Variants in SPEG observed in about 807,000 individuals in gnomAD.
SPEG encodes the protein striated muscle preferentially expressed protein kinase.
Under a neutral mutation model 300.4 loss-of-function variants are expected in SPEG, and 114 were observed. The ratio of observed to expected loss-of-function variants is 0.38; its 90% CI spans 0.33 to 0.44. The LOEUF is 0.44. Among genes scored for constraint, SPEG ranks in the 20% least tolerant of loss-of-function variants. The pLI is 1.00. For missense variants in SPEG, 4,201 were observed against 4,586.2 expected, an observed-to-expected ratio of 0.92 and a Z score of 2.43; for synonymous variants, 1,964 against 2,018.9, an observed-to-expected ratio of 0.97 and a Z score of 0.73.
Position 219,451,377 on chromosome 2 carries a change from G to T in SPEG, c.2257+98G>T. The T allele has an allele frequency of 6.9e-7, 1 of 1,452,170 alleles. No individual in the cohort carries two copies. Among genetic ancestry groups the T allele is most frequent in the East Asian group, 2.4e-5 (1 of 41,632 alleles). 90.0% of individuals were successfully genotyped at this position (1,452,170 alleles called of 1,614,324 possible). ...CCCGGACTCCTCCAAGGGAGGGGTG[G>T]GAAAGAGGGGAATTATCCCCTCCAC... On this transcript the variant is annotated intron_variant, in intron 5 of 40. Coordinates refer to ENST00000312358, the MANE Select transcript of SPEG (RefSeq NM_005876.5). This position sits in a 1 kb window ranked among gnomAD's most constrained non-coding sequence, Gnocchi z 6.4.
At chr2:219,465,800 T>A (rs558903341) in intron 9 of SPEG, 3 of 588,572 alleles carry the variant, frequency 5.1e-6, no homozygotes, top group South Asian at 3.8e-5. Context: ...TGCGTGCCTG[T>A]GCGTGCATGT....
Position 219,448,079 on chromosome 2 carries a change from G to T in SPEG, c.921G>T (p.Ala307=), listed in dbSNP as rs1417599349. 1 of 1,608,352 alleles carries T rather than the reference G, an allele frequency of 6.2e-7. No individual in the cohort carries two copies. The highest frequency in any genetic ancestry group is 8.5e-7 in the Non-Finnish European group (1 of 1,178,032). ...CCCAGCCGCCTCCTTCCAAATCCGC[G>T]CTGCTCCCCCCACCGTCCCCTCGGG... ...RPAQPPPSKS[A]LLPPPSPRVG... is the part of the protein sequence containing the mutation. The change falls in exon 4 of 41, where the codon GCG becomes GCT. Residue 307 remains alanine (A), a synonymous_variant. Transcript: ENST00000312358.
In SPEG at chr2:219,473,362, C is replaced by T; in HGVS notation, c.4148-142C>T. The T allele has an allele frequency of 8.8e-6, 8 of 908,910 alleles. No individual in the cohort carries two copies. The South Asian group carries it at 1.3e-4, about 15-fold the overall frequency. The allele number at this position is 908,910 out of a possible 1,614,324, so 56.3% of individuals were successfully genotyped here. ...CTGCTCTCTGGCTGTGTTCCCCTGA[C>T]AAATCGCTAAACCTCTCTGAGCTTC... On this transcript the variant is annotated intron_variant, in intron 16 of 40. Coordinates refer to ENST00000312358, the MANE Select transcript of SPEG (RefSeq NM_005876.5). The surrounding 1 kb of genome is among the most constrained non-coding windows in gnomAD (Gnocchi z 4.6).
At chr2:219,447,929 G>T in intron 3 of SPEG, 45 bp from the exon 4 acceptor site, 1 of 1,571,094 alleles carries the variant, frequency 6.4e-7, no homozygotes, top group Non-Finnish European at 8.7e-7. Context: ...GTCTAGGAGA[G>T]GAGGCCCCCT....
At chr2:219,465,807 A>ATGTGTGCGTGTGCGTGCGCATGCGTGCG (rs1691222704) in intron 9 of SPEG, 1 of 592,056 alleles carries the variant, frequency 1.7e-6, no homozygotes, top group Non-Finnish European at 3.0e-6. Context: ...CTGTGCGTGC[A>ATGTGTGCGTGTGCGTGCGCATGCGTGCG]TGTGTGCGTG....
Position 219,484,400 on chromosome 2 carries a change from C to G in SPEG, c.6937C>G (p.Pro2313Ala). The G allele has an allele frequency of 6.2e-7, 1 of 1,609,990 alleles. No individual in the cohort carries two copies. Among genetic ancestry groups the G allele is most frequent in the Non-Finnish European group, 8.5e-7 (1 of 1,179,754 alleles). ...CGAGAAAGCCCGAGTTCCCACGGTG[C>G]CCCCCAGGCCAGGCAGCAGTCTCAG... Reference protein sequence around the residue: ...LAEKARVPTVPPRPGSSLSSS... With the variant: ...LAEKARVPTVAPRPGSSLSSS... The change falls in exon 30 of 41, where the codon CCC (proline) becomes GCC (alanine). Residue 2313 changes from proline to alanine, a missense_variant. Physicochemically the swap from Pro to Ala is conservative, Grantham distance 27. This residue lies in a region of SPEG where 1,578 missense variants were observed against 1,506.0 expected (regional missense o/e 1.05). Coordinates refer to ENST00000312358, the MANE Select transcript of SPEG (RefSeq NM_005876.5).
chr2:219,468,551 A>G lies in SPEG; in HGVS notation c.3143-27A>G, dbSNP rs1036187009. 5.0e-6 allele frequency: 8 copies of G among 1,605,058 alleles called. No individual in the cohort carries two copies. The African/African-American group carries it at 9.4e-5, about 19-fold the overall frequency. ...TGCCTGGGCCTCCTTAGCCTTCCCT[A>G]TCTCTGAGCTGCCCCCTGCCCCACA... On this transcript the variant is annotated intron_variant, in intron 10 of 40. Transcript: ENST00000312358.
chr2:219,451,616 TC>T lies in SPEG; in HGVS notation c.2258-5del. The T allele has an allele frequency of 6.5e-7, 1 of 1,533,994 alleles. No individual in the cohort carries two copies. ...CCGTGGCGAGCCGGGTCCCTGTGCCTCCCCACAGTGTCCTGGCACAAGGATG... is the reference window on the plus strand; with the variant it reads ...CCGTGGCGAGCCGGGTCCCTGTGCCTCCCACAGTGTCCTGGCACAAGGATG... On this transcript the variant is annotated splice_polypyrimidine_tract_variant and splice_region_variant and intron_variant, in intron 5 of 40. Transcript: ENST00000312358. The surrounding 1 kb of genome is among the most constrained non-coding windows in gnomAD (Gnocchi z 6.4).
intron 38 of SPEG, 35 bp from the exon 39 acceptor site, chr2:219,491,759 G>A: frequency 1.9e-6 from 3 of 1,594,968 alleles, no homozygotes; most frequent in Non-Finnish European, 2.6e-6. Context: ...CTGCCACCAG[G>A]AAGCTGGGTC....
At chr2:219,490,155 C>A (rs187014266) in intron 36 of SPEG, among the ~76,000 whole-genome samples, 1 of 152,324 alleles carries the variant, frequency 6.6e-6, no homozygotes, top group African/African-American at 2.4e-5. Context: ...AGAGACACTG[C>A]GCTATTAGCA....
Position 219,492,873 on chromosome 2 carries a change from G to T in SPEG, c.*87G>T. On this transcript the variant is annotated 3_prime_UTR_variant, in exon 41 of 41. Coordinates refer to ENST00000312358, the MANE Select transcript of SPEG (RefSeq NM_005876.5). Reference sequence around the variant, plus strand: ...TTCCAGGGCCCACGCTGAGCCAGGCGGGCCTGGGGCTTCGGTTACCACCAG... The same window carrying T: ...TTCCAGGGCCCACGCTGAGCCAGGCTGGCCTGGGGCTTCGGTTACCACCAG... The T allele has an allele frequency of 7.4e-7, 1 of 1,346,894 alleles. No individual in the cohort carries two copies. The allele number at this position is 1,346,894 out of a possible 1,614,324, so 83.4% of individuals were successfully genotyped here. A position where few individuals can be genotyped will look rare whatever the true frequency, so the allele number is the denominator to read the frequency against.
Position 219,493,270 on chromosome 2 carries a change from A to T in SPEG, c.*484A>T, listed in dbSNP as rs377226202. 3,501 of 359,378 alleles carry T rather than the reference A, an allele frequency of 9.7e-3. 168 individuals carry two copies. The highest frequency in any genetic ancestry group is 0.071 in the South Asian group (3,415 of 47,836). The allele number at this position is 359,378 out of a possible 1,614,324, so 22.3% of individuals were successfully genotyped here. ...ACAGTGGCAGGGGCCCAGGGCTGGG[A>T]CATGAGAGAAGGCAGCGAGGCGGCA... On this transcript the variant is annotated 3_prime_UTR_variant, in exon 41 of 41. Transcript: ENST00000312358.
chr2:219,492,861 G>A lies in SPEG; in HGVS notation c.*75G>A, dbSNP rs568210966. ...TGCCACGGGACATTCCAGGGCCCACGCTGAGCCAGGCGGGCCTGGGGCTTC... is the reference window on the plus strand; with the variant it reads ...TGCCACGGGACATTCCAGGGCCCACACTGAGCCAGGCGGGCCTGGGGCTTC... On this transcript the variant is annotated 3_prime_UTR_variant, in exon 41 of 41. Transcript: ENST00000312358. 5.8e-5 allele frequency: 84 copies of A among 1,451,300 alleles called. 3 individuals carry two copies. The South Asian group carries it at 8.1e-4, about 14-fold the overall frequency. The allele number at this position is 1,451,300 out of a possible 1,614,324, so 89.9% of individuals were successfully genotyped here.
Position 219,464,678 on chromosome 2 carries a change from A to T in SPEG, c.2881+70A>T, listed in dbSNP as rs1173614626. The stretch of plus-strand genomic sequence containing the variant: ...CTTCCTTCCCCCACTGTCTGCTCTC[A>T]CACAGCCTCAGTTAGAGGATGCCAC... On this transcript the variant is annotated intron_variant, in intron 9 of 40. Transcript: ENST00000312358. The surrounding 1 kb of genome is among the most constrained non-coding windows in gnomAD (Gnocchi z 4.5). 6.7e-7 allele frequency: 1 copy of T among 1,499,166 alleles called. No individual in the cohort carries two copies. The highest frequency in any genetic ancestry group is 1.4e-5 in the African/African-American group (1 of 72,732). 92.9% of individuals were successfully genotyped at this position (1,499,166 alleles called of 1,614,324 possible).
rs1302833867 is a variant in SPEG, at chr2:219,458,425, G to T, written c.2441-3457G>T. On this transcript the variant is annotated intron_variant, in intron 6 of 40. Transcript: ENST00000312358. The surrounding 1 kb of genome is among the most constrained non-coding windows in gnomAD (Gnocchi z 4.2). ...TTTTTTTTTTCCCAATAAGCGTTTTGCACTCTTAAGAAATGCAGATTATTG... is the reference window on the plus strand; with the variant it reads ...TTTTTTTTTTCCCAATAAGCGTTTTTCACTCTTAAGAAATGCAGATTATTG... Among the ~76,000 whole-genome samples the T allele has an allele frequency of 1.3e-5, 2 of 150,142 alleles. No homozygotes were observed. The highest frequency in any genetic ancestry group is 4.9e-5 in the African/African-American group (2 of 40,638).
In SPEG at chr2:219,471,918, G is replaced by A. The variant is rs1173927707; in HGVS notation, c.3766G>A (p.Gly1256Ser). The change falls in exon 14 of 41, where the codon GGT becomes AGT. Residue 1256 changes from glycine (G) to serine (S), a missense_variant. Physicochemically the swap from Gly to Ser is moderately conservative, Grantham distance 56 (BLOSUM62 0). Around this residue, in one of 4 missense-constraint regions of SPEG, gnomAD observed 1,047 missense variants for 1,356.8 expected, o/e 0.77. Coordinates refer to ENST00000312358, the MANE Select transcript of SPEG (RefSeq NM_005876.5). The part of the protein sequence containing the change: ...VFPAVGPQHA[G>S]VYKSVIANKL... ...CCCTGCCGTGGGGCCTCAGCACGCC[G>A]GTGTCTACAAGAGCGTCATTGCCAA... 5 of 1,614,000 alleles carry A rather than the reference G, an allele frequency of 3.1e-6. No homozygotes were observed. The highest frequency in any genetic ancestry group is 4.2e-6 in the Non-Finnish European group (5 of 1,180,004).
At chr2:219,486,790 TGA>T (rs1400163084) in intron 31 of SPEG, among the ~76,000 whole-genome samples, 2 of 151,954 alleles carry the variant, frequency 1.3e-5, no homozygotes, top group African/African-American at 4.8e-5. Context: ...CTTTCACCTC[TGA>T]GAGAGGTGGC....
chr2:219,483,328 TGAG>T lies in SPEG; in HGVS notation c.5868_5870del (p.Glu1956del), dbSNP rs749421637. 2 of 1,605,972 alleles carry T rather than the reference TGAG, an allele frequency of 1.2e-6. No homozygotes were observed. The highest frequency in any genetic ancestry group is 1.7e-6 in the Non-Finnish European group (2 of 1,176,426). ...GGGTGTCCCTCACAGACATTCCCAC[TGAG>T]GATGAGGCCCTGGGGACCCCAGAGA... is the stretch of plus-strand genomic sequence containing the variant. On this transcript the variant is annotated inframe_deletion, in exon 30 of 41. Coordinates refer to ENST00000312358, the MANE Select transcript of SPEG (RefSeq NM_005876.5).
rs943732367 is a variant in SPEG at position 219,448,406 on chromosome 2, C to T, written c.1248C>T (p.Arg416=). The change falls in exon 4 of 41, where the codon CGC becomes CGT. Residue 416 remains arginine (R), a synonymous_variant. Coordinates refer to ENST00000312358, the MANE Select transcript of SPEG (RefSeq NM_005876.5). ...FFEERRRSLE[R]SDSPPAPLRP... ...AGGAGCGACGGCGCAGCCTGGAGCG[C>T]AGCGACTCGCCGCCGGCGCCCCTGC... The T allele has an allele frequency of 2.6e-6, 4 of 1,531,008 alleles. No homozygotes were observed. Among genetic ancestry groups the T allele is most frequent in the Non-Finnish European group, 3.5e-6 (4 of 1,143,718 alleles). The allele number at this position is 1,531,008 out of a possible 1,614,324, so 94.8% of individuals were successfully genotyped here. A position where few individuals can be genotyped will look rare whatever the true frequency, so the allele number is the denominator to read the frequency against.
Sources: gnomAD v4.1 joint callset for allele counts (sites outside exome capture counted in the v4.1 genomes callset) on GRCh38, gnomAD v4.1.1 for gene constraint, gnomAD v4.1.1 regional missense constraint, Gnocchi (gnomAD v3.1) non-coding constraint, MANE v1.5 for transcripts, NCBI Gene and HGNC (gene_info 2026-07-23, HGNC 2026-07-21) for gene names.